The following NLRP8 variants were observed in gnomAD, a reference collection of about 807,000 sequenced individuals.
NLRP8 encodes the protein NACHT, LRR and PYD domains-containing protein 8.
NLRP8 carries 86 observed loss-of-function variants against 88.7 expected under a neutral mutation model. The observed-to-expected ratio is 0.97, with a 90% CI of 0.81 to 1.16. The LOEUF (loss-of-function observed/expected upper bound fraction) is 1.16. Among genes scored for constraint, NLRP8 ranks in the 50% most tolerant of loss-of-function variants. The pLI is 0.00. For synonymous variants in NLRP8, 504 were observed against 494.6 expected (o/e 1.02, Z -0.25); for missense variants, 1,342 against 1,286.5 (o/e 1.04, Z -0.66).
At chr19:55,960,897 CTTT>C (rs36087472) in intron 3 of NLRP8, among the ~76,000 whole-genome samples, 1 of 91,004 alleles carries the variant, frequency 1.1e-5, no homozygotes, top group African/African-American at 4.5e-5. Flanking sequence ...AACTATTTCT[CTTT>C]TTTTTTTTTT....
At position 55,958,333 on chromosome 19, in the gene NLRP8, A is replaced by G. The variant is rs7257988; in HGVS notation, c.2042+2233A>G. Among the ~76,000 whole-genome samples, 623 of 152,312 alleles carry G rather than the reference A, an allele frequency of 4.1e-3. 8 individuals carry two copies. The highest frequency in any genetic ancestry group is 0.014 in the African/African-American group (565 of 41,566). On this transcript the variant is annotated intron_variant, in intron 3 of 9. Coordinates refer to ENST00000291971, the MANE Select transcript of NLRP8 (RefSeq NM_176811.2). ...GCTCATCCTAGACATATACTGGGCTAGTGTGTGGATAGATAAGTAAAAGTT... is the reference window on the plus strand; with the variant it reads ...GCTCATCCTAGACATATACTGGGCTGGTGTGTGGATAGATAAGTAAAAGTT...
intron 9 of NLRP8, among the ~76,000 whole-genome samples, chr19:55,981,831 T>A: frequency 6.6e-6 from 1 of 152,202 alleles, no homozygotes; most frequent in Admixed American, 6.5e-5. Context: ...TCACAATGTT[T>A]TTTTTCCCCT....
At chr19:55,987,231 G>A (rs978112664) in intron 9 of NLRP8, among the ~76,000 whole-genome samples, 3 of 152,190 alleles carry the variant, frequency 2.0e-5, no homozygotes, top group South Asian at 2.1e-4. Context: ...TGAGCTGGGC[G>A]TGGTGGCATG....
At chr19:55,969,287 G>T (rs1979973633) in intron 5 of NLRP8, among the ~76,000 whole-genome samples, 1 of 152,102 alleles carries the variant, frequency 6.6e-6, no homozygotes, top group Non-Finnish European at 1.5e-5. Flanking sequence ...CAAGTCCCCA[G>T]AGTCTATTAC....
intron 9 of NLRP8, among the ~76,000 whole-genome samples, chr19:55,984,936 G>T (rs73615413): frequency 0.097 from 14,777 of 152,202 alleles, 1,601 homozygotes; most frequent in African/African-American, 0.27. Flanking sequence ...TTGGCTGTAT[G>T]CATAAAGTTA....
intron 5 of NLRP8, among the ~76,000 whole-genome samples, chr19:55,969,467 T>A (rs1979982008): frequency 6.6e-6 from 1 of 152,218 alleles, no homozygotes; most frequent in Admixed American, 6.5e-5. Context: ...TAGTATTCCA[T>A]GGTGTGTCTA....
chr19:55,962,981 C>T (rs961868795), intron 4 of NLRP8, among the ~76,000 whole-genome samples: 10 of 152,008 alleles, frequency 6.6e-5, no homozygotes, highest in African/African-American at 1.9e-4. Flanking sequence ...TATGGTTCAC[C>T]GCTGCATTCC....
At chr19:55,952,496 T>G in intron 1 of NLRP8, 42 bp from the exon 2 acceptor site, 1 of 1,536,676 alleles carries the variant, frequency 6.5e-7, no homozygotes, top group East Asian at 2.2e-5. Flanking sequence ...GCTACCAAGA[T>G]CTTATCATTC....
At chr19:55,981,564 A>C (rs990376247) in intron 9 of NLRP8, among the ~76,000 whole-genome samples, 1 of 152,228 alleles carries the variant, frequency 6.6e-6, no homozygotes, top group Non-Finnish European at 1.5e-5. Context: ...AATTTTTTAG[A>C]GTGTGATTTA....
chr19:55,976,089 T>A, intron 7 of NLRP8, 44 bp from the exon 8 acceptor site: 1 of 1,493,752 alleles, frequency 6.7e-7, no homozygotes, highest in Non-Finnish European at 9.0e-7. Context: ...GTTGTTTTGT[T>A]GTAGTTGTTG....
chr19:55,967,810 A>G (rs1282527506), intron 5 of NLRP8, among the ~76,000 whole-genome samples: 1 of 152,266 alleles, frequency 6.6e-6, no homozygotes, highest in Admixed American at 6.5e-5. Context: ...TTTAAAAATT[A>G]AATCATAGGC....
intron 3 of NLRP8, among the ~76,000 whole-genome samples, chr19:55,961,480 C>T (rs1386172400): frequency 2.0e-5 from 3 of 152,052 alleles, no homozygotes; most frequent in Non-Finnish European, 2.9e-5. Context: ...TCAATCTCTG[C>T]CCCCCACATA....
intron 4 of NLRP8, among the ~76,000 whole-genome samples, chr19:55,964,720 C>T (rs1979762928): frequency 2.0e-5 from 3 of 150,412 alleles, no homozygotes; most frequent in African/African-American, 7.4e-5. Flanking sequence ...CCACTGCACT[C>T]CAGCCTGGGT....
chr19:55,960,952 A>G (rs1979583526), intron 3 of NLRP8, among the ~76,000 whole-genome samples: 2 of 133,158 alleles, frequency 1.5e-5, no homozygotes, highest in African/African-American at 5.9e-5. Context: ...CCCGGGCTAG[A>G]GTGCAGTGGA....
In NLRP8 at chr19:55,953,528, G is replaced by A. The variant is rs11879803; in HGVS notation, c.442+916G>A. ...TTTATTTTTTTTGAGACGGAGTCTC[G>A]CTCTGTCGCCCAGGCTGGAGTGCAG... On this transcript the variant is annotated intron_variant, in intron 2 of 9. Coordinates refer to ENST00000291971, the MANE Select transcript of NLRP8 (RefSeq NM_176811.2). Among the ~76,000 whole-genome samples, 1,239 of 151,414 alleles carry A rather than the reference G, an allele frequency of 8.2e-3. 18 individuals carry two copies. Among genetic ancestry groups the A allele is most frequent in the African/African-American group, 0.028 (1,156 of 41,238 alleles).
At chr19:55,964,709 G>A (rs979920973) in intron 4 of NLRP8, among the ~76,000 whole-genome samples, 13 of 149,246 alleles carry the variant, frequency 8.7e-5, no homozygotes, top group Non-Finnish European at 1.5e-4. Flanking sequence ...CCGAGATTGC[G>A]CCACTGCACT....
intron 1 of NLRP8, 118 bp downstream of exon 1, chr19:55,948,387 G>T: frequency 9.5e-7 from 1 of 1,052,280 alleles, no homozygotes; most frequent in Non-Finnish European, 1.4e-6. Flanking sequence ...AACAGTGGAG[G>T]AAGATAATGG....
intron 6 of NLRP8, 110 bp downstream of exon 6, chr19:55,970,806 G>A (rs1980044448): frequency 2.9e-6 from 4 of 1,365,470 alleles, no homozygotes; most frequent in Non-Finnish European, 4.0e-6. Context: ...ATGTATAGGA[G>A]CAAACATAAG....
At chr19:55,969,032 C>A (rs1200247113) in intron 5 of NLRP8, among the ~76,000 whole-genome samples, 3 of 152,328 alleles carry the variant, frequency 2.0e-5, no homozygotes, top group Admixed American at 2.0e-4. Context: ...CACTGCACAC[C>A]AGGACTCCCT....
Sources: gnomAD v4.1 joint callset for allele counts (sites outside exome capture counted in the v4.1 genomes callset) on GRCh38, gnomAD v4.1.1 for gene constraint, MANE v1.5 for transcripts, NCBI Gene and HGNC (gene_info 2026-07-23, HGNC 2026-07-21) for gene names.